The following TRIM44 variants were observed in gnomAD, a reference collection of about 807,000 sequenced individuals.
TRIM44 encodes tripartite motif-containing protein 44.
Under a neutral mutation model 37.4 loss-of-function variants are expected in TRIM44, and 13 were observed. That is an observed-to-expected ratio of 0.35 (90% CI 0.23 to 0.55). TRIM44 has a LOEUF of 0.55. TRIM44 is among the 20% of genes least tolerant of loss of function. TRIM44 has a pLI of 0.89. For missense variants in TRIM44, 426 were observed against 437.2 expected (o/e 0.97, Z 0.23); for synonymous variants, 175 against 157.2 (o/e 1.11, Z -0.85).
chr11:35,734,309 C>T (rs1253361210), intron 3 of TRIM44, among the ~76,000 whole-genome samples: 1 of 152,156 alleles, frequency 6.6e-6, no homozygotes, highest in African/African-American at 2.4e-5. Flanking sequence ...AGCATTATTT[C>T]ATTTAATCCT....
chr11:35,733,522 G>T (rs149630184), intron 3 of TRIM44, among the ~76,000 whole-genome samples: 2 of 152,214 alleles, frequency 1.3e-5, no homozygotes, highest in African/African-American at 4.8e-5. Flanking sequence ...AAAATGCGAA[G>T]AAATTTTCCA....
intron 4 of TRIM44, among the ~76,000 whole-genome samples, chr11:35,744,608 G>A (rs889822125): frequency 2.0e-5 from 3 of 151,948 alleles, no homozygotes; most frequent in African/African-American, 7.3e-5. Flanking sequence ...AGGACGTGCA[G>A]GTTTGTTACA....
At chr11:35,787,053 C>T (rs996048494) in intron 4 of TRIM44, among the ~76,000 whole-genome samples, 4 of 152,204 alleles carry the variant, frequency 2.6e-5, no homozygotes, top group Non-Finnish European at 5.9e-5. Flanking sequence ...ATATTCCCAG[C>T]AGGCACTCAG....
rs1252363483 is a variant in TRIM44 at position 35,815,507 on chromosome 11, C to T, written c.*9122C>T. 6.6e-6 allele frequency: 1 copy of T among 152,156 alleles called. No individual in the cohort carries two copies. The highest frequency in any genetic ancestry group is 1.5e-5 in the Non-Finnish European group (1 of 68,034). 9.4% of individuals were successfully genotyped at this position (152,156 alleles called of 1,614,324 possible). Reference sequence around the variant, plus strand: ...ATAAAAATGGGTATTTCTCAACACTCAAGCCAATTTCCCATTTGATAACAA... The same window carrying T: ...ATAAAAATGGGTATTTCTCAACACTTAAGCCAATTTCCCATTTGATAACAA... On this transcript the variant is annotated 3_prime_UTR_variant, in exon 5 of 5. Transcript: ENST00000299413.
At chr11:35,706,192 C>T (rs1240092909) in intron 2 of TRIM44, among the ~76,000 whole-genome samples, 2 of 149,018 alleles carry the variant, frequency 1.3e-5, no homozygotes, top group African/African-American at 4.9e-5. Flanking sequence ...GACACATGCA[C>T]CCTCCCAAGA....
intron 1 of TRIM44, among the ~76,000 whole-genome samples, chr11:35,683,863 A>T (rs975559647): frequency 6.6e-6 from 1 of 152,040 alleles, no homozygotes; most frequent in South Asian, 2.1e-4. Flanking sequence ...ATACAAAAAA[A>T]TACAGTTCTT....
At chr11:35,779,717 A>T (rs2133871124) in intron 4 of TRIM44, among the ~76,000 whole-genome samples, 1 of 151,842 alleles carries the variant, frequency 6.6e-6, no homozygotes, top group African/African-American at 2.4e-5. Flanking sequence ...GCATTTTTCT[A>T]GGAGTCTTAG....
chr11:35,767,406 A>G (rs1295229686), intron 4 of TRIM44, among the ~76,000 whole-genome samples: 9 of 152,114 alleles, frequency 5.9e-5, no homozygotes, highest in Non-Finnish European at 1.3e-4. Flanking sequence ...TCTGTCAGTC[A>G]CAGGTTAGGT....
At chr11:35,786,601 A>G (rs1395308256) in intron 4 of TRIM44, among the ~76,000 whole-genome samples, 2 of 152,270 alleles carry the variant, frequency 1.3e-5, no homozygotes, top group South Asian at 2.1e-4. Flanking sequence ...CTGAGATCCA[A>G]ATGTGGTCAA....
At chr11:35,690,768 T>C (rs1296168739) in intron 2 of TRIM44, among the ~76,000 whole-genome samples, 1 of 152,218 alleles carries the variant, frequency 6.6e-6, no homozygotes, top group Non-Finnish European at 1.5e-5. Context: ...GTAATTGATA[T>C]GTATTATCTA....
chr11:35,690,771 A>G (rs1206182304), intron 2 of TRIM44, among the ~76,000 whole-genome samples: 1 of 152,184 alleles, frequency 6.6e-6, no homozygotes, highest in Admixed American at 6.5e-5. Context: ...ATTGATATGT[A>G]TTATCTATTA....
At chr11:35,761,359 T>C (rs1169984556) in intron 4 of TRIM44, among the ~76,000 whole-genome samples, 1 of 151,078 alleles carries the variant, frequency 6.6e-6, no homozygotes, top group Non-Finnish European at 1.5e-5. Flanking sequence ...CTATAACAAG[T>C]CTATTGTAGC....
intron 4 of TRIM44, among the ~76,000 whole-genome samples, chr11:35,781,606 A>G (rs1159638885): frequency 6.6e-6 from 1 of 152,246 alleles, no homozygotes; most frequent in Admixed American, 6.5e-5. Context: ...CTGCTGGATT[A>G]TGTGAACATT....
At chr11:35,741,788 A>G (rs965380755) in intron 4 of TRIM44, among the ~76,000 whole-genome samples, 2 of 152,212 alleles carry the variant, frequency 1.3e-5, no homozygotes, top group African/African-American at 4.8e-5. Flanking sequence ...CTTTCTTTCA[A>G]CAAACATCTT....
intron 4 of TRIM44, among the ~76,000 whole-genome samples, chr11:35,760,848 AT>A (rs1852715563): frequency 6.6e-6 from 1 of 152,134 alleles, no homozygotes; most frequent in Non-Finnish European, 1.5e-5. Flanking sequence ...TATTTTATCT[AT>A]AGTCACCATG....
chr11:35,676,058 T>G (rs1851456441), intron 1 of TRIM44, among the ~76,000 whole-genome samples: 2 of 152,268 alleles, frequency 1.3e-5, no homozygotes, highest in Non-Finnish European at 2.9e-5. Flanking sequence ...TGCAGTCTGT[T>G]TTTGAGTCTT....
chr11:35,744,633 C>T (rs866162408), intron 4 of TRIM44, among the ~76,000 whole-genome samples: 3 of 151,996 alleles, frequency 2.0e-5, no homozygotes, highest in Admixed American at 1.3e-4. Context: ...TAAACGTGTG[C>T]CATGCTGGTT....
rs188241151 is a variant in TRIM44 at position 35,811,899 on chromosome 11, G to T, written c.*5514G>T. On this transcript the variant is annotated 3_prime_UTR_variant, in exon 5 of 5. Coordinates refer to ENST00000299413, the MANE Select transcript of TRIM44 (RefSeq NM_017583.6). ...CAAGGTCACCCAACAAGCCAGGCTG[G>T]TAAAGCCCAGGACAGCAGACTCTCT... 6.6e-6 allele frequency: 1 copy of T among 152,166 alleles called. No homozygotes were observed. Among genetic ancestry groups the T allele is most frequent in the Non-Finnish European group, 1.5e-5 (1 of 68,038 alleles). 9.4% of individuals were successfully genotyped at this position (152,166 alleles called of 1,614,324 possible). A position where few individuals can be genotyped will look rare whatever the true frequency, so the allele number is the denominator to read the frequency against.
chr11:35,734,038 T>C (rs1200993501), intron 3 of TRIM44, among the ~76,000 whole-genome samples: 1 of 152,208 alleles, frequency 6.6e-6, no homozygotes, highest in Non-Finnish European at 1.5e-5. Flanking sequence ...AACTTCCCTG[T>C]TGATTCTCAT....
Sources: gnomAD v4.1 joint callset for allele counts (sites outside exome capture counted in the v4.1 genomes callset) on GRCh38, gnomAD v4.1.1 for gene constraint, MANE v1.5 for transcripts, NCBI Gene and HGNC (gene_info 2026-07-23, HGNC 2026-07-21) for gene names.